MAGI3: variants seen among roughly 807,000 people sequenced by gnomAD.
MAGI3 encodes the protein membrane-associated guanylate kinase, WW and PDZ domain-containing protein 3.
Under a neutral mutation model 121.8 loss-of-function variants are expected in MAGI3, and 43 were observed. That is an observed-to-expected ratio of 0.35 (90% CI 0.28 to 0.46). MAGI3 has a LOEUF of 0.46. Ranked by LOEUF, MAGI3 falls within the 20% of genes least tolerant of loss-of-function variation. MAGI3 has a pLI of 1.00. For synonymous variants in MAGI3, 553 were observed against 639.3 expected, an observed-to-expected ratio of 0.86 and a Z score of 2.04; for missense variants, 1,547 against 1,797.3, an observed-to-expected ratio of 0.86 and a Z score of 2.52.
At chr1:113,587,769 C>A (rs1373403273) in intron 4 of MAGI3, among the ~76,000 whole-genome samples, 1 of 152,146 alleles carries the variant, frequency 6.6e-6, no homozygotes, top group Non-Finnish European at 1.5e-5. Context: ...TTGCTTGGAA[C>A]TATATTAAGA....
intron 1 of MAGI3, among the ~76,000 whole-genome samples, chr1:113,447,934 TAGC>T (rs1303046205): frequency 1.3e-5 from 2 of 152,210 alleles, no homozygotes; most frequent in African/African-American, 4.8e-5. Flanking sequence ...CCATATTCAT[TAGC>T]AGTTACTTTT....
intron 19 of MAGI3, among the ~76,000 whole-genome samples, chr1:113,674,130 G>A (rs994568135): frequency 6.6e-6 from 1 of 152,172 alleles, no homozygotes; most frequent in Non-Finnish European, 1.5e-5. Context: ...GGTGGCTCAC[G>A]CCTGTAATCC....
intron 1 of MAGI3, among the ~76,000 whole-genome samples, chr1:113,486,834 GGAGACAGGATCTTGCTATGT>G (rs1656406092): frequency 6.6e-6 from 1 of 151,630 alleles, no homozygotes; most frequent in Admixed American, 6.6e-5. Flanking sequence ...ATTTTTTCGT[GGAGACAGGATCTTGCTATGT>G]TGTGCCACCA....
chr1:113,434,453 C>CT (rs1653463732), intron 1 of MAGI3, among the ~76,000 whole-genome samples: 1 of 152,118 alleles, frequency 6.6e-6, no homozygotes, highest in African/African-American at 2.4e-5. Context: ...TTATACTGCT[C>CT]TATTTTCAGT....
chr1:113,484,679 TC>T (rs1656276119), intron 1 of MAGI3, among the ~76,000 whole-genome samples: 1 of 5,640 alleles, frequency 1.8e-4, no homozygotes, highest in Non-Finnish European at 3.1e-4. Context: ...TCCCTTCCCA[TC>T]CCCTCCCCTC....
intron 9 of MAGI3, among the ~76,000 whole-genome samples, chr1:113,628,833 C>G (rs1651414411): frequency 6.6e-6 from 1 of 152,060 alleles, no homozygotes; most frequent in Non-Finnish European, 1.5e-5. Flanking sequence ...TCTTGCTGCT[C>G]TTAGGATCCT....
intron 8 of MAGI3, among the ~76,000 whole-genome samples, chr1:113,621,514 G>A (rs887682885): frequency 3.3e-5 from 5 of 152,100 alleles, no homozygotes; most frequent in Non-Finnish European, 7.4e-5. Context: ...TATATTTATA[G>A]TAACTGCTGG....
intron 1 of MAGI3, among the ~76,000 whole-genome samples, chr1:113,408,855 A>AT (rs2101325132): frequency 6.6e-6 from 1 of 152,020 alleles, no homozygotes; most frequent in African/African-American, 2.4e-5. Flanking sequence ...TCCTTTAGAG[A>AT]TTTTTCTAGG....
At chr1:113,511,943 A>C (rs1657635392) in intron 1 of MAGI3, among the ~76,000 whole-genome samples, 4 of 152,196 alleles carry the variant, frequency 2.6e-5, no homozygotes, top group Admixed American at 6.5e-5. Flanking sequence ...TATTGTGATT[A>C]TGATCTTTAC....
At chr1:113,670,099 G>A (rs532356302) in intron 16 of MAGI3, among the ~76,000 whole-genome samples, 107 of 151,630 alleles carry the variant, frequency 7.1e-4, no homozygotes, top group African/African-American at 2.4e-3. Context: ...AACCCTCTGG[G>A]TAAGTTCTGG....
At chr1:113,408,028 A>G (rs1045508060) in intron 1 of MAGI3, among the ~76,000 whole-genome samples, 2 of 152,140 alleles carry the variant, frequency 1.3e-5, no homozygotes, top group African/African-American at 2.4e-5. Flanking sequence ...TCCAAGCATT[A>G]ATCCTCTTAT....
chr1:113,521,749 AT>A (rs1220590719), intron 1 of MAGI3, among the ~76,000 whole-genome samples: 19 of 152,162 alleles, frequency 1.2e-4, no homozygotes, highest in Admixed American at 1.2e-3. Flanking sequence ...TAGTAGTCAT[AT>A]TTTGAATTTT....
At chr1:113,549,155 C>T (rs1181811010) in intron 1 of MAGI3, among the ~76,000 whole-genome samples, 2 of 152,246 alleles carry the variant, frequency 1.3e-5, no homozygotes, top group East Asian at 3.9e-4. Flanking sequence ...TAGAGCTTGG[C>T]AGAGGTAGAT....
intron 1 of MAGI3, among the ~76,000 whole-genome samples, chr1:113,418,572 C>G (rs1408035301): frequency 6.6e-6 from 1 of 152,014 alleles, no homozygotes; most frequent in East Asian, 1.9e-4. Flanking sequence ...TGTAATACTG[C>G]CTTGTAGTCT....
chr1:113,479,362 T>G (rs931886524), intron 1 of MAGI3, among the ~76,000 whole-genome samples: 5 of 152,168 alleles, frequency 3.3e-5, no homozygotes, highest in Non-Finnish European at 5.9e-5. Context: ...CCAGAGCTGT[T>G]CCTATTCGGC....
intron 1 of MAGI3, among the ~76,000 whole-genome samples, chr1:113,406,518 TG>T (rs1431977622): frequency 6.7e-6 from 1 of 148,676 alleles, no homozygotes; most frequent in East Asian, 2.0e-4. Flanking sequence ...AGATGATAAA[TG>T]AAAAAAAAAA....
At chr1:113,543,218 A>G (rs377177906) in intron 1 of MAGI3, among the ~76,000 whole-genome samples, 2 of 152,104 alleles carry the variant, frequency 1.3e-5, no homozygotes, top group Admixed American at 1.3e-4. Flanking sequence ...ATCGATTCAA[A>G]TGGTTAGCTT....
At chr1:113,414,493 A>G (rs1461305611) in intron 1 of MAGI3, among the ~76,000 whole-genome samples, 1 of 152,124 alleles carries the variant, frequency 6.6e-6, no homozygotes, top group Non-Finnish European at 1.5e-5. Context: ...TTTGGCTGTG[A>G]ATCCGTCTGG....
At chr1:113,618,514 A>T (rs929377540) in intron 7 of MAGI3, 5 of 444,210 alleles carry the variant, frequency 1.1e-5, no homozygotes, top group South Asian at 4.8e-5. Context: ...TTTATTTTTT[A>T]TTTTTTTTGC....
Sources: gnomAD v4.1 joint callset for allele counts (sites outside exome capture counted in the v4.1 genomes callset) on GRCh38, gnomAD v4.1.1 for gene constraint, MANE v1.5 for transcripts, NCBI Gene and HGNC (gene_info 2026-07-23, HGNC 2026-07-21) for gene names.